The following RNF166 variants were observed in gnomAD, a reference collection of about 807,000 sequenced individuals.
RNF166 encodes E3 ubiquitin-protein ligase RNF166.
A neutral mutation model predicts 29.4 loss-of-function variants in RNF166; 19 were observed. The observed-to-expected ratio is 0.65, with a 90% CI of 0.45 to 0.95. The LOEUF (loss-of-function observed/expected upper bound fraction) is 0.95, where lower values mean the gene tolerates loss of function less well. RNF166 is among the 40% of genes least tolerant of loss of function. The pLI is 0.00. For missense variants in RNF166, 347 were observed against 322.1 expected, an observed-to-expected ratio of 1.08 and a Z score of -0.59; for synonymous variants, 171 against 134.5, an observed-to-expected ratio of 1.27 and a Z score of -1.88.
chr16:88,701,813 ACT>A (rs1448559491), intron 1 of RNF166, among the ~76,000 whole-genome samples: 2 of 151,708 alleles, frequency 1.3e-5, no homozygotes, highest in African/African-American at 4.8e-5. Flanking sequence ...GACTCTGGAA[ACT>A]CTCCCGGCTC....
At chr16:88,704,633 C>T (rs1298035437) in intron 1 of RNF166, 2 of 835,778 alleles carry the variant, frequency 2.4e-6, no homozygotes, top group East Asian at 1.2e-4. Flanking sequence ...TCAAGCCTCA[C>T]AGCGCTCAGT....
rs192606551 is a variant in RNF166, at chr16:88,702,715, C to T, written c.156-1297G>A. On this transcript the variant is annotated intron_variant, in intron 1 of 5. Transcript: ENST00000312838. ...AGAAAGCGGGACTCAGCTTGAGACC[C>T]GTCAGAAAGTGAACAAGCCTTTTTC... 145 of 985,396 alleles carry T rather than the reference C, an allele frequency of 1.5e-4. No individual in the cohort carries two copies. The East Asian group carries it at 1.5e-3, about 10-fold the overall frequency. 61.0% of individuals were successfully genotyped at this position (985,396 alleles called of 1,614,324 possible).
chr16:88,700,821 G>A lies in RNF166; in HGVS notation c.312+441C>T, dbSNP rs997563652. On this transcript the variant is annotated intron_variant, in intron 2 of 5. Transcript: ENST00000312838. ...TGGGTGTGGCAGTGCCCATCAGCCC[G>A]GCTCTGGCCCTCCTGGCAGCTGGAG... 15 of 1,048,300 alleles carry A rather than the reference G, an allele frequency of 1.4e-5. No individual in the cohort carries two copies. The Admixed American group carries it at 4.0e-4, about 28-fold the overall frequency. The allele number at this position is 1,048,300 out of a possible 1,614,324, so 64.9% of individuals were successfully genotyped here.
intron 1 of RNF166, among the ~76,000 whole-genome samples, chr16:88,705,785 C>T (rs1042621463): frequency 6.6e-6 from 1 of 152,264 alleles, no homozygotes; most frequent in Non-Finnish European, 1.5e-5. Flanking sequence ...TATTTATTTA[C>T]AACTGCCCAT....
intron 1 of RNF166, chr16:88,703,279 A>G: frequency 1.0e-6 from 1 of 984,950 alleles, no homozygotes; most frequent in Non-Finnish European, 1.2e-6. Context: ...AACACACTGG[A>G]AACGACTGGA....
chr16:88,698,265 G>A (rs2142624643), intron 5 of RNF166: 1 of 692,898 alleles, frequency 1.4e-6, no homozygotes, highest in East Asian at 2.7e-5. Flanking sequence ...CCTGCCCTGT[G>A]CGGTCCATGT....
intron 1 of RNF166, among the ~76,000 whole-genome samples, chr16:88,705,474 G>A (rs1307012927): frequency 6.6e-6 from 1 of 152,194 alleles, no homozygotes; most frequent in African/African-American, 2.4e-5. Flanking sequence ...CAGAATACTT[G>A]AGCACAGCTC....
At chr16:88,704,287 A>AAAAC in intron 1 of RNF166, 1 of 985,486 alleles carries the variant, frequency 1.0e-6, no homozygotes, top group Middle Eastern at 5.2e-4. Flanking sequence ...GAACAGCCAG[A>AAAAC]AAACAAAAGC....
intron 3 of RNF166, 52 bp from the exon 4 acceptor site, chr16:88,699,137 G>T (rs1427034879): frequency 8.1e-7 from 1 of 1,235,062 alleles, no homozygotes; most frequent in Admixed American, 2.0e-5. Flanking sequence ...TAGGGGCTCT[G>T]CCTCCCCGCT....
At chr16:88,702,075 C>T (rs532290364) in intron 1 of RNF166, among the ~76,000 whole-genome samples, 247 of 152,180 alleles carry the variant, frequency 1.6e-3, no homozygotes, top group African/African-American at 3.7e-3. Context: ...GACACCACAT[C>T]GTGAGGACAG....
intron 5 of RNF166, 72 bp from the exon 6 acceptor site, chr16:88,697,705 C>T (rs1281197268): frequency 8.7e-7 from 1 of 1,145,180 alleles, no homozygotes; most frequent in Non-Finnish European, 1.3e-6. Flanking sequence ...GCCCATCACC[C>T]ACACAGGCGT....
Position 88,701,278 on chromosome 16 carries a change from C to T in RNF166, c.296G>A (p.Arg99Gln), listed in dbSNP as rs766599021. 2.2e-5 allele frequency: 36 copies of T among 1,613,588 alleles called. No homozygotes were observed. The highest frequency in any genetic ancestry group is 2.9e-5 in the Non-Finnish European group (34 of 1,179,946). The change falls in exon 2 of 6, where the codon CGA becomes CAA. Residue 99 changes from arginine to glutamine, a missense_variant. Physicochemically the swap from Arg to Gln is conservative, Grantham distance 43. Coordinates refer to ENST00000312838, the MANE Select transcript of RNF166 (RefSeq NM_178841.4). ...GGCGGGTACCTTTTTGTTGCAGCCT[C>T]GACAGGGCGCTTTGTAGGATGAGAG... ...KQLSSYKAPC[R>Q]GCNKKVTLAK...
rs1244930817 is a variant in RNF166, at chr16:88,706,214, C to G, written c.112G>C (p.Glu38Gln). Reference protein sequence around the residue: ...EAQYTCPICLEVYHRPVAIGS... With the variant: ...EAQYTCPICLQVYHRPVAIGS... The stretch of plus-strand genomic sequence containing the variant: ...ATGGCCACGGGCCGGTGATAGACCT[C>G]CAGGCAGATGGGGCAGGTGTACTGC... Residue 38 changes from glutamate to glutamine, a missense_variant, in exon 1 of 6, where the codon GAG becomes CAG. Glu to Gln is a conservative substitution (Grantham distance 29). Transcript: ENST00000312838. 1.5e-6 allele frequency: 2 copies of G among 1,321,278 alleles called. No homozygotes were observed. Among genetic ancestry groups the G allele is most frequent in the Non-Finnish European group, 1.9e-6 (2 of 1,030,762 alleles). 81.8% of individuals were successfully genotyped at this position (1,321,278 alleles called of 1,614,324 possible).
At position 88,699,739 on chromosome 16, in the gene RNF166, G is replaced by A. The variant is rs1910018966; in HGVS notation, c.313-7C>T. 1 of 1,609,422 alleles carries A rather than the reference G, an allele frequency of 6.2e-7. No individual in the cohort carries two copies. The highest frequency in any genetic ancestry group is 1.3e-5 in the African/African-American group (1 of 74,856). On this transcript the variant is annotated splice_polypyrimidine_tract_variant and splice_region_variant and intron_variant, in intron 2 of 5. Coordinates refer to ENST00000312838, the MANE Select transcript of RNF166 (RefSeq NM_178841.4). Reference sequence around the variant, plus strand: ...TCATCTTTGCCAGGGTCACCTAGGAGACAGGGCAGGGAGGGCAAGGCGGTC... The same window carrying A: ...TCATCTTTGCCAGGGTCACCTAGGAAACAGGGCAGGGAGGGCAAGGCGGTC...
chr16:88,701,694 G>A (rs1288217736), intron 1 of RNF166: 2 of 425,530 alleles, frequency 4.7e-6, no homozygotes, highest in Non-Finnish European at 8.4e-6. Context: ...GTCCCCGCGA[G>A]TGGGCCAGAG....
chr16:88,703,489 A>G, intron 1 of RNF166: 5 of 985,498 alleles, frequency 5.1e-6, no homozygotes, highest in Non-Finnish European at 6.0e-6. Context: ...GAGGGAACCC[A>G]GCCCGACTGG....
At chr16:88,706,078 T>C (rs2142690416) in intron 1 of RNF166, 93 bp downstream of exon 1, 1 of 864,694 alleles carries the variant, frequency 1.2e-6, no homozygotes, top group Non-Finnish European at 1.4e-6. Flanking sequence ...GCGCGCCCAG[T>C]CCGGAGCTGC....
At chr16:88,699,553 G>A in intron 3 of RNF166, 67 bp downstream of exon 3, 3 of 1,307,554 alleles carry the variant, frequency 2.3e-6, no homozygotes, top group Non-Finnish European at 3.2e-6. Context: ...ATGGGGCACT[G>A]CGCTTGCTCC....
Position 88,697,543 on chromosome 16 carries a change from C to G in RNF166, c.*25G>C. On this transcript the variant is annotated 3_prime_UTR_variant, in exon 6 of 6. Coordinates refer to ENST00000312838, the MANE Select transcript of RNF166 (RefSeq NM_178841.4). ...GAGCGGGGACATCCCTGACCCCAGACGCAGGCGGGTGGCTGCGCTTCCCTT... is the reference window on the plus strand; with the variant it reads ...GAGCGGGGACATCCCTGACCCCAGAGGCAGGCGGGTGGCTGCGCTTCCCTT... 6.5e-7 allele frequency: 1 copy of G among 1,536,652 alleles called. No homozygotes were observed. The highest frequency in any genetic ancestry group is 8.8e-7 in the Non-Finnish European group (1 of 1,137,110).
Sources: allele counts gnomAD v4.1 joint callset (sites outside exome capture counted in the v4.1 genomes callset), GRCh38; gene constraint gnomAD v4.1.1; transcripts MANE v1.5; gene names NCBI Gene and HGNC (gene_info 2026-07-23, HGNC 2026-07-21).